Variants in ZNF618 observed in about 807,000 individuals in gnomAD.
ZNF618 encodes the protein zinc finger protein 618, also known as neural precursor cell expressed, developmentally down-regulated 10.
In ZNF618, 34 loss-of-function variants were observed where a neutral mutation model predicts 103.0. The ratio of observed to expected loss-of-function variants is 0.33; its 90% CI spans 0.25 to 0.44. ZNF618 has a LOEUF of 0.44. ZNF618 is among the 20% of genes least tolerant of loss of function. The pLI is 1.00. For missense variants in ZNF618, 1,059 were observed against 1,295.4 expected (o/e 0.82, Z 2.80); for synonymous variants, 551 against 542.2 (o/e 1.02, Z -0.23).
rs774895746 is a variant in ZNF618 at position 114,049,349 on chromosome 9, G to A, written c.2047G>A (p.Gly683Arg). The part of the protein sequence containing the change: ...GSTGLAKETF[G>R]SLEETSPPPC... The stretch of plus-strand genomic sequence containing the variant: ...CACGGGCCTGGCCAAGGAGACCTTC[G>A]GGTCGCTGGAGGAGACGTCTCCACC... Residue 683 changes from glycine to arginine, a missense_variant, in exon 15 of 15, where the codon GGG (glycine) becomes AGG (arginine). By Grantham distance (125) the Gly-to-Arg change is moderately radical. Coordinates refer to ENST00000374126, the MANE Select transcript of ZNF618 (RefSeq NM_001318042.2). 34 of 1,609,996 alleles carry A rather than the reference G, an allele frequency of 2.1e-5. No individual in the cohort carries two copies. Among genetic ancestry groups the A allele is most frequent in the East Asian group, 4.5e-5 (2 of 44,760 alleles).
At chr9:113,905,622 G>A (rs1372240303) in intron 1 of ZNF618, among the ~76,000 whole-genome samples, 3 of 152,240 alleles carry the variant, frequency 2.0e-5, no homozygotes, top group Admixed American at 2.0e-4. Flanking sequence ...TATTGGGAGT[G>A]TGAACTGTTC....
chr9:113,889,347 T>TCTCTCTCTCTCTCTCTCTC (rs1477289947), intron 1 of ZNF618, among the ~76,000 whole-genome samples: 3 of 104,122 alleles, frequency 2.9e-5, no homozygotes, highest in East Asian at 2.5e-4. Context: ...CTCTCTCTCT[T>TCTCTCTCTCTCTCTCTCTC]TCTCTCCCTC....
chr9:114,028,839 G>A lies in ZNF618; in HGVS notation c.951G>A (p.Thr317=), dbSNP rs1270177232. ...GCTTCGTGGCAGCGAAGACCCAGAC[G>A]AACCAGTCGGGGAAAAAAGCTCCGG... ...SPRFVAAKTQ[T]NQSGKKAPAS... The change falls in exon 11 of 15, where the codon ACG becomes ACA. Residue 317 remains threonine, a synonymous_variant. Coordinates refer to ENST00000374126, the MANE Select transcript of ZNF618 (RefSeq NM_001318042.2). 7.1e-6 allele frequency: 11 copies of A among 1,550,622 alleles called. No individual in the cohort carries two copies. Among genetic ancestry groups the A allele is most frequent in the South Asian group, 3.6e-5 (3 of 84,056 alleles).
chr9:113,900,724 C>G (rs1340853461), intron 1 of ZNF618, among the ~76,000 whole-genome samples: 6 of 137,302 alleles, frequency 4.4e-5, no homozygotes, highest in Admixed American at 7.2e-5. Context: ...GCAAACCCGA[C>G]CTCCTGTCTC....
chr9:114,005,500 C>G (rs930939847), intron 6 of ZNF618, among the ~76,000 whole-genome samples: 1 of 152,040 alleles, frequency 6.6e-6, no homozygotes, highest in Non-Finnish European at 1.5e-5. Context: ...CAGATGTGGC[C>G]CTGAAGTGAG....
chr9:113,988,990 G>A (rs1839763389), intron 3 of ZNF618, among the ~76,000 whole-genome samples: 1 of 152,160 alleles, frequency 6.6e-6, no homozygotes, highest in Non-Finnish European at 1.5e-5. Context: ...ACCCCATCAG[G>A]ATTGGATCAG....
At chr9:114,035,255 G>C (rs543804699) in intron 12 of ZNF618, 75 of 986,020 alleles carry the variant, frequency 7.6e-5, no homozygotes, top group African/African-American at 6.5e-4. Flanking sequence ...GGTCCCGTTG[G>C]GGGGCTGGAG....
chr9:114,001,222 T>C (rs775587110), intron 4 of ZNF618, among the ~76,000 whole-genome samples: 1 of 151,656 alleles, frequency 6.6e-6, no homozygotes, highest in African/African-American at 2.4e-5. Context: ...CAGTGCTCAC[T>C]AGGAGCTTGG....
At chr9:113,999,293 G>A (rs1840940163) in intron 4 of ZNF618, among the ~76,000 whole-genome samples, 1 of 142,130 alleles carries the variant, frequency 7.0e-6, no homozygotes, top group African/African-American at 3.1e-5. Flanking sequence ...GTTTTAGGCT[G>A]AGCTAGGGGC....
At chr9:113,908,962 C>T (rs1831247281) in intron 1 of ZNF618, among the ~76,000 whole-genome samples, 2 of 151,790 alleles carry the variant, frequency 1.3e-5, no homozygotes, top group Admixed American at 6.6e-5. Context: ...CCTTTTTAGT[C>T]TCCTATGGGG....
At chr9:113,983,106 T>G (rs1194369189) in intron 2 of ZNF618, among the ~76,000 whole-genome samples, 2 of 152,224 alleles carry the variant, frequency 1.3e-5, no homozygotes, top group Non-Finnish European at 2.9e-5. Flanking sequence ...AGTGTCAGCA[T>G]GTAGATAGAT....
At chr9:113,927,790 C>T (rs756662112) in intron 1 of ZNF618, among the ~76,000 whole-genome samples, 16 of 152,168 alleles carry the variant, frequency 1.1e-4, no homozygotes, top group Non-Finnish European at 2.2e-4. Flanking sequence ...GCAGGTATTT[C>T]AAAATGTTAC....
At chr9:113,912,978 C>T (rs1351503561) in intron 1 of ZNF618, among the ~76,000 whole-genome samples, 1 of 152,148 alleles carries the variant, frequency 6.6e-6, no homozygotes, top group Non-Finnish European at 1.5e-5. Context: ...TTACTCCAGA[C>T]ATTCTGCTTG....
intron 1 of ZNF618, among the ~76,000 whole-genome samples, chr9:113,913,136 C>T (rs1831714641): frequency 6.6e-6 from 1 of 152,192 alleles, no homozygotes; most frequent in South Asian, 2.1e-4. Flanking sequence ...CGTGTAAGAG[C>T]TGCTTTCTCT....
At chr9:114,002,219 G>A in intron 5 of ZNF618, 146 bp downstream of exon 5, 1 of 768,592 alleles carries the variant, frequency 1.3e-6, no homozygotes. Context: ...CAGTAGGACA[G>A]GGTGCCAGGC....
At chr9:113,878,506 AGAAGGCAAATAAATATTGACC>A (rs1828168333) in intron 1 of ZNF618, among the ~76,000 whole-genome samples, 2 of 152,260 alleles carry the variant, frequency 1.3e-5, no homozygotes, top group Admixed American at 1.3e-4. Flanking sequence ...AAAAAATTTA[AGAAGGCAAATAAATATTGACC>A]GAATTGAAAT....
At chr9:114,027,319 C>G (rs190350373) in intron 10 of ZNF618, among the ~76,000 whole-genome samples, 39 of 152,296 alleles carry the variant, frequency 2.6e-4, no homozygotes, top group African/African-American at 7.2e-4. Flanking sequence ...TTTCCGCAGA[C>G]TGAGGCCTTG....
chr9:113,925,815 T>C (rs1833037248), intron 1 of ZNF618, among the ~76,000 whole-genome samples: 1 of 152,168 alleles, frequency 6.6e-6, no homozygotes, highest in Admixed American at 6.5e-5. Flanking sequence ...CCTTCCCTTA[T>C]AACATTGCTG....
intron 1 of ZNF618, among the ~76,000 whole-genome samples, chr9:113,947,322 T>C (rs1016474246): frequency 3.9e-5 from 6 of 152,188 alleles, no homozygotes; most frequent in Non-Finnish European, 7.3e-5. Context: ...CTCTGGACAA[T>C]TGAGATAAGA....
Sources: allele counts gnomAD v4.1 joint callset (sites outside exome capture counted in the v4.1 genomes callset), GRCh38; gene constraint gnomAD v4.1.1; transcripts MANE v1.5; gene names NCBI Gene and HGNC (gene_info 2026-07-23, HGNC 2026-07-21).